SORBS2: variants seen among roughly 807,000 people sequenced by gnomAD.
SORBS2 encodes the protein sorbin and SH3 domain-containing protein 2.
SORBS2 carries 46 observed loss-of-function variants against 97.7 expected under a neutral mutation model. That is an observed-to-expected ratio of 0.47 (90% CI 0.37 to 0.60). SORBS2 has a LOEUF of 0.60. SORBS2 is among the 20% of genes least tolerant of loss of function. The probability of loss-of-function intolerance (pLI) is 0.00; values close to 1 mark genes in which losing one functional copy is unlikely to be tolerated. For synonymous variants in SORBS2, 476 were observed against 473.4 expected (o/e 1.01, Z -0.07); for missense variants, 1,316 against 1,282.3 (o/e 1.03, Z -0.40).
chr4:185,765,743 G>A (rs554581903), intron 2 of SORBS2, among the ~76,000 whole-genome samples: 1 of 152,094 alleles, frequency 6.6e-6, no homozygotes, highest in Non-Finnish European at 1.5e-5. Context: ...AGACAAGTAG[G>A]CATCATCAAT....
At chr4:185,626,791 G>T (rs532481045) in intron 6 of SORBS2, 41 bp downstream of exon 18, 1 of 1,599,170 alleles carries the variant, frequency 6.3e-7, no homozygotes, top group Non-Finnish European at 8.6e-7. Flanking sequence ...AGGCTAAAAC[G>T]TAAACTAGTA....
intron 1 of SORBS2, among the ~76,000 whole-genome samples, chr4:185,842,077 G>T (rs1383084662): frequency 6.6e-6 from 1 of 152,206 alleles, no homozygotes; most frequent in East Asian, 1.9e-4. Flanking sequence ...CTCCTAGAAG[G>T]AGAAATAAGT....
chr4:185,627,578 G>T, intron 5 of SORBS2, among the ~76,000 whole-genome samples: 1 of 152,134 alleles, frequency 6.6e-6, no homozygotes, highest in East Asian at 1.9e-4. Flanking sequence ...AGTGTAGAGA[G>T]TTTCCTTATA....
rs116398759 is a variant in SORBS2, at chr4:185,680,080, G to A, written c.-197-1258C>T. On this transcript the variant is annotated intron_variant, in intron 2 of 20. Coordinates refer to the SORBS2 transcript ENST00000284776. ...TATCTCCAATGAATTTAAAATTGGA[G>A]TAATAAAATGGGTACCATAGAGAAA... Among the ~76,000 whole-genome samples, 1,367 of 152,320 alleles carry A rather than the reference G, an allele frequency of 9.0e-3. 26 individuals are homozygous for A. Among genetic ancestry groups the A allele is most frequent in the African/African-American group, 0.031 (1,274 of 41,568 alleles).
At chr4:185,886,996 C>T (rs963853167) in intron 1 of SORBS2, among the ~76,000 whole-genome samples, 2 of 152,148 alleles carry the variant, frequency 1.3e-5, no homozygotes, top group East Asian at 1.9e-4. Context: ...AGAGGAAGGA[C>T]CTTCCAGCCA....
intron 1 of SORBS2, among the ~76,000 whole-genome samples, chr4:185,843,609 A>T (rs561713174): frequency 2.0e-5 from 3 of 152,322 alleles, no homozygotes; most frequent in African/African-American, 7.2e-5. Flanking sequence ...CTGAAAAAAT[A>T]CTTAGAAATA....
rs983205465 is a variant in SORBS2, at chr4:185,683,457, G to A, written c.-197-4635C>T. ...CAGGGTATTGGCATTCCAATTACAC[G>A]ATGGCCCTGAACTCTTACGGTTATT... On this transcript the variant is annotated intron_variant, in intron 2 of 20. Coordinates refer to the SORBS2 transcript ENST00000284776. Among the ~76,000 whole-genome samples the A allele has an allele frequency of 5.9e-5, 9 of 152,242 alleles. 3 individuals carry two copies. Among genetic ancestry groups the A allele is most frequent in the Non-Finnish European group, 1.5e-5 (1 of 68,022 alleles).
chr4:185,855,002 A>C (rs2099220007), intron 1 of SORBS2, among the ~76,000 whole-genome samples: 1 of 152,120 alleles, frequency 6.6e-6, no homozygotes, highest in Non-Finnish European at 1.5e-5. Flanking sequence ...AAAGACAATA[A>C]TCTCGTTATA....
In SORBS2 at chr4:185,696,920, T is replaced by A. The variant is rs184094076; in HGVS notation, c.-197-18098A>T. ...ATGTGCAAATCAAAAGCCAAAAAAATTTCTAATGAAAATAATTCAGATTCT... is the reference window on the plus strand; with the variant it reads ...ATGTGCAAATCAAAAGCCAAAAAAAATTCTAATGAAAATAATTCAGATTCT... On this transcript the variant is annotated intron_variant, in intron 2 of 20. Coordinates refer to the SORBS2 transcript ENST00000284776. Among the ~76,000 whole-genome samples, 569 of 152,280 alleles carry A rather than the reference T, an allele frequency of 3.7e-3. 4 individuals carry two copies. Among genetic ancestry groups the A allele is most frequent in the African/African-American group, 0.013 (525 of 41,558 alleles).
In SORBS2 at chr4:185,688,493, GATAGATAGATAA is replaced by G. The variant is rs1338731201; in HGVS notation, c.-197-9683_-197-9672del. 3.9e-4 allele frequency among the ~76,000 whole-genome samples: 42 copies of G among 107,546 alleles called. No homozygotes were observed. In the East Asian group the frequency reaches 4.2e-3, roughly 11 times the overall value. The allele number at this position is 107,546 out of a possible 152,430, so 70.6% of individuals were successfully genotyped here. ...TATCTGCATTATCTATCTGTCTATT[GATAGATAGATAA>G]ATAGATAGATAGATAGATAGATAGA... On this transcript the variant is annotated intron_variant, in intron 2 of 20. Coordinates refer to the SORBS2 transcript ENST00000284776.
exon 8 of SORBS2, chr4:185,620,140 G>A (rs376740726): frequency 1.2e-6 from 2 of 1,608,242 alleles, no homozygotes; most frequent in South Asian, 1.1e-5. Flanking sequence ...TAACTTCTAG[G>A]GGACTCACGG....
At chr4:185,634,647 C>T (rs530146636) in intron 4 of SORBS2, among the ~76,000 whole-genome samples, 11 of 152,232 alleles carry the variant, frequency 7.2e-5, no homozygotes, top group African/African-American at 2.6e-4. Flanking sequence ...TCAAATAAAA[C>T]TCTGATTCAA....
chr4:185,638,959 TCTC>T lies in SORBS2; in HGVS notation c.396+7706_396+7708del, dbSNP rs1561584863. 2.6e-6 allele frequency: 4 copies of T among 1,522,810 alleles called. No homozygotes were observed. The Admixed American group carries it at 6.5e-5, about 25-fold the overall frequency. The allele number at this position is 1,522,810 out of a possible 1,614,324, so 94.3% of individuals were successfully genotyped here. A position where few individuals can be genotyped will look rare whatever the true frequency, so the allele number is the denominator to read the frequency against. On this transcript the variant is annotated intron_variant, in intron 4 of 14. Coordinates refer to ENST00000418609, the Ensembl canonical transcript of SORBS2. ...CGGAGGGGAGGGGCTACCAGTGACT[TCTC>T]CGAGTCGGGAGCTAGAAAGAGGCTT...
intron 1 of SORBS2, among the ~76,000 whole-genome samples, chr4:185,808,517 A>G (rs1255259525): frequency 1.3e-5 from 2 of 152,204 alleles, no homozygotes; most frequent in Non-Finnish European, 2.9e-5. Flanking sequence ...ATGTTATCTA[A>G]TATAGAACAG....
chr4:185,852,041 C>T (rs1297115798), intron 1 of SORBS2, among the ~76,000 whole-genome samples: 1 of 152,102 alleles, frequency 6.6e-6, no homozygotes, highest in East Asian at 1.9e-4. Flanking sequence ...TAGCTTATAC[C>T]AGAAGATAAT....
In SORBS2 at chr4:185,735,376, A is replaced by ATTTT. The variant is rs71593648; in HGVS notation, c.-198+39847_-198+39850dup. 5.0e-3 allele frequency among the ~76,000 whole-genome samples: 712 copies of ATTTT among 141,900 alleles called. 10 individuals carry two copies. Among genetic ancestry groups the ATTTT allele is most frequent in the African/African-American group, 0.017 (632 of 37,974 alleles). The allele number at this position is 141,900 out of a possible 152,430, so 93.1% of individuals were successfully genotyped here. On this transcript the variant is annotated intron_variant, in intron 2 of 20. Coordinates refer to the SORBS2 transcript ENST00000284776. The stretch of plus-strand genomic sequence containing the variant: ...CGCTTCCATTGAATCAGAGTAAACT[A>ATTTT]TTTTTTTTTTTTTTTGCTTCTTGGC...
At chr4:185,611,528 C>T (rs1259448844) in intron 12 of SORBS2, among the ~76,000 whole-genome samples, 1 of 152,066 alleles carries the variant, frequency 6.6e-6, no homozygotes, top group Non-Finnish European at 1.5e-5. Flanking sequence ...CTCTCGTTTT[C>T]TCTTTCTCTT....
chr4:185,938,429 CA>C (rs1342237588), intron 1 of SORBS2, among the ~76,000 whole-genome samples: 152 of 149,060 alleles, frequency 1.0e-3, no homozygotes, highest in African/African-American at 3.7e-3. Flanking sequence ...CACACACACA[CA>C]CCCTTTTATT....
chr4:185,852,306 G>A (rs766373216), intron 1 of SORBS2, among the ~76,000 whole-genome samples: 25 of 152,188 alleles, frequency 1.6e-4, no homozygotes, highest in Non-Finnish European at 3.7e-4. Context: ...AGCGCTTTCA[G>A]CCCATTGCTG....
Sources: allele counts gnomAD v4.1 joint callset (sites outside exome capture counted in the v4.1 genomes callset), GRCh38; gene constraint gnomAD v4.1.1; transcripts MANE v1.5; gene names NCBI Gene and HGNC (gene_info 2026-07-23, HGNC 2026-07-21).